The following IGFN1 variants were observed in gnomAD, a reference collection of about 807,000 sequenced individuals.
IGFN1 encodes the protein immunoglobulin like and fibronectin type III domain containing 1, also known as immunoglobulin-like and fibronectin type III domain-containing protein 1.
Under a neutral mutation model 289.5 loss-of-function variants are expected in IGFN1, and 253 were observed. The ratio of observed to expected loss-of-function variants is 0.87; its 90% confidence interval spans 0.79 to 0.97. The LOEUF (loss-of-function observed/expected upper bound fraction) is 0.97, where lower values mean the gene tolerates loss of function less well. Among genes scored for constraint, IGFN1 ranks in the 50% least tolerant of loss-of-function variants. The pLI is 0.00. For missense variants in IGFN1, 4,470 were observed against 4,686.1 expected (o/e 0.95, Z 1.35); for synonymous variants, 1,706 against 1,788.5 (o/e 0.95, Z 1.16).
In IGFN1 at chr1:201,207,133, T is replaced by G; in HGVS notation, c.2240T>G (p.Ile747Ser). 1 of 1,536,872 alleles carries G rather than the reference T, an allele frequency of 6.5e-7. No individual in the cohort carries two copies. The highest frequency in any genetic ancestry group is 1.7e-4 in the Middle Eastern group (1 of 5,990). Residue 747 changes from isoleucine (I) to serine (S), a missense_variant, in exon 12 of 24, where the codon ATC becomes AGC. Physicochemically the swap from Ile to Ser is moderately radical, Grantham distance 142 (BLOSUM62 -2). Transcript: ENST00000335211. ...CTTCTGGGAGATGGGAGTCCTGAGATCAAAGCTGAAGACTCACTGCAGGAG... is the reference window on the plus strand; with the variant it reads ...CTTCTGGGAGATGGGAGTCCTGAGAGCAAAGCTGAAGACTCACTGCAGGAG... Reference protein sequence around the residue: ...KFLLGDGSPEIKAEDSLQEAD... With the variant: ...KFLLGDGSPESKAEDSLQEAD...
chr1:201,197,549 T>C (rs998054305), intron 5 of IGFN1, among the ~76,000 whole-genome samples: 2 of 152,252 alleles, frequency 1.3e-5, no homozygotes, highest in Admixed American at 1.3e-4. Flanking sequence ...GGATATTCTC[T>C]TGGCCCAGTA....
rs529282461 is a variant in IGFN1 at position 201,227,594 on chromosome 1, AT to A, written c.11113+393del. Among the ~76,000 whole-genome samples the A allele has an allele frequency of 2.0e-5, 3 of 151,442 alleles. No individual in the cohort carries two copies. The South Asian group carries it at 6.3e-4, about 32-fold the overall frequency. Reference sequence around the variant, plus strand: ...AGGCATCCGCCACCACACCTGGCGGATTTTTTTGTATTTTTAATAGAAGGGG... The same window carrying A: ...AGGCATCCGCCACCACACCTGGCGGATTTTTTGTATTTTTAATAGAAGGGG... On this transcript the variant is annotated intron_variant, in intron 23 of 23. Transcript: ENST00000335211.
At chr1:201,216,225 A>G (rs527428800) in intron 15 of IGFN1, 3 of 602,152 alleles carry the variant, frequency 5.0e-6, no homozygotes, top group East Asian at 5.5e-5. Context: ...ATTCCATGGC[A>G]CATCCCTGGG....
chr1:201,211,637 A>C lies in IGFN1; in HGVS notation c.6744A>C (p.Ala2248=), dbSNP rs1256484436. 4 of 1,536,706 alleles carry C rather than the reference A, an allele frequency of 2.6e-6. No individual in the cohort carries two copies. The highest frequency in any genetic ancestry group is 2.0e-5 in the Admixed American group (1 of 50,936). Residue 2248 remains alanine (A), a synonymous_variant, in exon 12 of 24, where the codon GCA becomes GCC. Transcript: ENST00000335211. The part of the protein sequence containing the change: ...SSGEMGSMDE[A]DYRKDLGAPE... ...GGGAAATGGGGTCAATGGATGAGGC[A>C]GATTATAGGAAGGATTTGGGAGCTC...
At position 201,221,685 on chromosome 1, in the gene IGFN1, TGAA is replaced by T; in HGVS notation, c.10142_10144del (p.Glu3381del). ...ACTTCGTGCGGGTGACAGCAGTTAA[TGAA>T]GGAGGCCAGAGCCAGCCCAGTGCCC... On this transcript the variant is annotated inframe_deletion, in exon 19 of 24. Coordinates refer to ENST00000335211, the MANE Select transcript of IGFN1 (RefSeq NM_001164586.2). 1 of 1,613,842 alleles carries T rather than the reference TGAA, an allele frequency of 6.2e-7. No homozygotes were observed. The highest frequency in any genetic ancestry group is 8.5e-7 in the Non-Finnish European group (1 of 1,179,820).
chr1:201,193,175 C>A, intron 1 of IGFN1, 72 bp from the exon 2 acceptor site: 2 of 733,604 alleles, frequency 2.7e-6, no homozygotes, highest in Non-Finnish European at 2.4e-6. Flanking sequence ...TTGGCTGATG[C>A]ACTGATGGTG....
rs1654037045 is a variant in IGFN1 at position 201,225,745 on chromosome 1, G to T, written c.10487-79G>T. 3 of 1,339,346 alleles carry T rather than the reference G, an allele frequency of 2.2e-6. No homozygotes were observed. The East Asian group carries it at 7.4e-5, about 33-fold the overall frequency. The allele number at this position is 1,339,346 out of a possible 1,614,324, so 83.0% of individuals were successfully genotyped here. On this transcript the variant is annotated intron_variant, in intron 21 of 23. Transcript: ENST00000335211. ...ACTGCGTTCCCCAGGACCCTCAGAA[G>T]TCCTGGGACCTGGAGGGGGCTGGTA...
At position 201,209,347 on chromosome 1, in the gene IGFN1, C is replaced by G. The variant is rs1438135542; in HGVS notation, c.4454C>G (p.Ser1485Cys). The change falls in exon 12 of 24, where the codon TCT becomes TGT. Residue 1485 changes from serine (S) to cysteine (C), a missense_variant. Ser to Cys is a moderately radical substitution (Grantham distance 112). This residue lies in a region of IGFN1 where 2,011 missense variants were observed against 1,953.4 expected (regional missense o/e 1.03). Coordinates refer to ENST00000335211, the MANE Select transcript of IGFN1 (RefSeq NM_001164586.2). ...KAGYRGGLRG[S>C]GEMGLIEAGY... Reference sequence around the variant, plus strand: ...GGTTACAGGGGTGGTTTAAGGGGTTCTGGGGAAATGGGGTTAATTGAGGCA... The same window carrying G: ...GGTTACAGGGGTGGTTTAAGGGGTTGTGGGGAAATGGGGTTAATTGAGGCA... 15 of 1,483,648 alleles carry G rather than the reference C, an allele frequency of 1.0e-5. No individual in the cohort carries two copies. The highest frequency in any genetic ancestry group is 1.5e-5 in the African/African-American group (1 of 68,636). 91.9% of individuals were successfully genotyped at this position (1,483,648 alleles called of 1,614,324 possible). A position where few individuals can be genotyped will look rare whatever the true frequency, so the allele number is the denominator to read the frequency against.
chr1:201,208,165 T>C lies in IGFN1; in HGVS notation c.3272T>C (p.Leu1091Pro), dbSNP rs1667525430. 1.3e-6 allele frequency: 2 copies of C among 1,536,802 alleles called. No homozygotes were observed. The highest frequency in any genetic ancestry group is 1.4e-5 in the African/African-American group (1 of 72,970). Residue 1091 changes from leucine to proline, a missense_variant, in exon 12 of 24, where the codon CTC (leucine) becomes CCC (proline). Transcript: ENST00000335211. Reference protein sequence around the residue: ...GVTGSAGRGGLKAPGVVETVG... With the variant: ...GVTGSAGRGGPKAPGVVETVG... ...ACAGGGTCTGCGGGTAGAGGTGGTCTCAAGGCCCCTGGAGTAGTGGAGACT... is the reference window on the plus strand; with the variant it reads ...ACAGGGTCTGCGGGTAGAGGTGGTCCCAAGGCCCCTGGAGTAGTGGAGACT...
rs1667051965 is a variant in IGFN1 at position 201,199,368 on chromosome 1, A to T, written c.402A>T (p.Glu134Asp). ...GGAAGAATCGGAAGAGGCACAGGGA[A>T]CCGCAGGAAGGTAGGCAGATTTGTC... Reference protein sequence around the residue: ...GFRKNRKRHREPQEDLRKELM... With the variant: ...GFRKNRKRHRDPQEDLRKELM... The change falls in exon 6 of 24, where the codon GAA becomes GAT. Residue 134 changes from glutamate (E) to aspartate (D), a missense_variant. Physicochemically the swap from Glu to Asp is conservative, Grantham distance 45 (BLOSUM62 2). Transcript: ENST00000335211. 2 of 1,551,978 alleles carry T rather than the reference A, an allele frequency of 1.3e-6. No homozygotes were observed. The highest frequency in any genetic ancestry group is 1.7e-4 in the Middle Eastern group (1 of 5,992).
In IGFN1 at chr1:201,207,357, G is replaced by C. The variant is rs1045074775; in HGVS notation, c.2464G>C (p.Gly822Arg). The C allele has an allele frequency of 2.0e-6, 3 of 1,536,920 alleles. No homozygotes were observed. The highest frequency in any genetic ancestry group is 1.7e-4 in the Middle Eastern group (1 of 6,012). The change falls in exon 12 of 24, where the codon GGT (glycine) becomes CGT (arginine). Residue 822 changes from glycine (G) to arginine (R), a missense_variant. Physicochemically the swap from Gly to Arg is moderately radical, Grantham distance 125. Transcript: ENST00000335211. ...SFQSSQGWTAGHRAAGGIGRI... is the reference protein window; with the variant it reads ...SFQSSQGWTARHRAAGGIGRI... ...CCAGTCTTCCCAGGGCTGGACAGCA[G>C]GTCACAGAGCAGCAGGGGGTATTGG...
chr1:201,223,593 A>C (rs573210193), intron 20 of IGFN1, among the ~76,000 whole-genome samples: 14 of 152,206 alleles, frequency 9.2e-5, no homozygotes, highest in African/African-American at 2.9e-4. Context: ...CTGGCCTCTC[A>C]AACTCCTGAC....
chr1:201,227,905 C>T (rs1012718977), intron 23 of IGFN1, among the ~76,000 whole-genome samples: 4 of 152,204 alleles, frequency 2.6e-5, no homozygotes, highest in African/African-American at 9.7e-5. Flanking sequence ...ACACTTAGTG[C>T]CTAGAAAGCC....
At chr1:201,204,823 T>C (rs966641878) in intron 10 of IGFN1, among the ~76,000 whole-genome samples, 4 of 152,216 alleles carry the variant, frequency 2.6e-5, no homozygotes, top group African/African-American at 4.8e-5. Context: ...GCATCCACCT[T>C]GTCCCTAAAT....
At position 201,226,134 on chromosome 1, in the gene IGFN1, C is replaced by T. The variant is rs764599838; in HGVS notation, c.10786+11C>T. On this transcript the variant is annotated intron_variant, in intron 22 of 23. Transcript: ENST00000335211. Reference sequence around the variant, plus strand: ...TCCCCCGGCAGCGCGGTAAGCAGCCCCTGAGAGGGAGGAGCAGGCAGGGTG... The same window carrying T: ...TCCCCCGGCAGCGCGGTAAGCAGCCTCTGAGAGGGAGGAGCAGGCAGGGTG... The T allele has an allele frequency of 3.8e-6, 6 of 1,569,478 alleles. No individual in the cohort carries two copies. The highest frequency in any genetic ancestry group is 3.6e-5 in the Admixed American group (2 of 55,254).
At chr1:201,200,477 A>C in intron 8 of IGFN1, 66 bp downstream of exon 8, 29 of 1,312,512 alleles carry the variant, frequency 2.2e-5, no homozygotes, top group Non-Finnish European at 3.1e-5. Context: ...TAGGTGCCTC[A>C]CACCTGGAGG....
chr1:201,218,762 C>A, intron 18 of IGFN1, 104 bp downstream of exon 18: 2 of 1,173,516 alleles, frequency 1.7e-6, no homozygotes, highest in East Asian at 2.5e-5. Flanking sequence ...TCGGGGCAGT[C>A]CTGAGGGAGA....
chr1:201,213,325 G>A lies in IGFN1; in HGVS notation c.8432G>A (p.Arg2811Lys), dbSNP rs1667927665. 1.3e-6 allele frequency: 2 copies of A among 1,590,112 alleles called. No homozygotes were observed. The highest frequency in any genetic ancestry group is 1.1e-5 in the South Asian group (1 of 88,006). The change falls in exon 12 of 24, where the codon AGG becomes AAG. Residue 2811 changes from arginine to lysine, a missense_variant. Physicochemically the swap from Arg to Lys is conservative, Grantham distance 26. Coordinates refer to ENST00000335211, the MANE Select transcript of IGFN1 (RefSeq NM_001164586.2). Reference sequence around the variant, plus strand: ...GAAGAGGCTGGGAGGTCAGGCAGGAGGCCTGGCTCACTCAGGAGCAGGTCT... The same window carrying A: ...GAAGAGGCTGGGAGGTCAGGCAGGAAGCCTGGCTCACTCAGGAGCAGGTCT... ...GVEEAGRSGR[R>K]PGSLRSRSQA... is the part of the protein sequence containing the mutation.
Position 201,218,535 on chromosome 1 carries a change from A to T in IGFN1, c.9775A>T (p.Arg3259Trp), listed in dbSNP as rs1653479804. The T allele has an allele frequency of 6.2e-7, 1 of 1,612,420 alleles. No homozygotes were observed. The highest frequency in any genetic ancestry group is 1.3e-5 in the African/African-American group (1 of 75,010). ...AVNDQPVPER[R>W]WTVADVRQGC... is the part of the protein sequence containing the mutation. Reference sequence around the variant, plus strand: ...CATGGGCGGGCTGTTCACAGAGAGGAGGTGGACGGTGGCGGACGTGCGGCA... The same window carrying T: ...CATGGGCGGGCTGTTCACAGAGAGGTGGTGGACGGTGGCGGACGTGCGGCA... The change falls in exon 18 of 24, where the codon AGG becomes TGG. Residue 3259 changes from arginine (R) to tryptophan (W), a missense_variant. Arg to Trp is a moderately radical substitution (Grantham distance 101). Transcript: ENST00000335211.
Sources: allele counts gnomAD v4.1 joint callset (sites outside exome capture counted in the v4.1 genomes callset), GRCh38; gene constraint gnomAD v4.1.1; regional missense constraint gnomAD v4.1.1; transcripts MANE v1.5; gene names NCBI Gene and HGNC (gene_info 2026-07-23, HGNC 2026-07-21).